ELOA: variants seen among roughly 807,000 people sequenced by gnomAD.
ELOA encodes the protein elongin-A.
In ELOA, 15 loss-of-function variants were observed where a neutral mutation model predicts 85.2. That is an observed-to-expected ratio of 0.18 (90% confidence interval 0.12 to 0.27). The LOEUF is 0.27. Ranked by LOEUF, ELOA falls within the 10% of genes least tolerant of loss-of-function variation. ELOA has a pLI of 1.00. For missense variants in ELOA, 769 were observed against 952.7 expected (o/e 0.81, Z 2.54); for synonymous variants, 348 against 357.2 (o/e 0.97, Z 0.29).
At chr1:23,752,897 T>G (rs1387717794) in intron 5 of ELOA, among the ~76,000 whole-genome samples, 9 of 151,968 alleles carry the variant, frequency 5.9e-5, no homozygotes, top group African/African-American at 2.2e-4. Flanking sequence ...GGGCCGAGAT[T>G]ACGCCATTGC....
intron 1 of ELOA, among the ~76,000 whole-genome samples, chr1:23,747,721 G>A (rs1644753073): frequency 6.6e-6 from 1 of 152,140 alleles, no homozygotes; most frequent in Non-Finnish European, 1.5e-5. Flanking sequence ...ATCTATGAAG[G>A]TGAGACTCCC....
At chr1:23,758,182 T>C (rs1638232895) in intron 10 of ELOA, among the ~76,000 whole-genome samples, 1 of 150,928 alleles carries the variant, frequency 6.6e-6, no homozygotes, top group Admixed American at 6.6e-5. Flanking sequence ...CCTCTTACTG[T>C]TTTTTTATAG....
chr1:23,750,463 A>C (rs1644764948), intron 3 of ELOA, among the ~76,000 whole-genome samples: 1 of 152,144 alleles, frequency 6.6e-6, no homozygotes, highest in African/African-American at 2.4e-5. Flanking sequence ...TACAGGCGTG[A>C]GCCACCGCGG....
Position 23,754,418 on chromosome 1 carries a change from G to T in ELOA, c.1749G>T (p.Arg583Ser), listed in dbSNP as rs778349721. ...PYSVLEPVLE[R>S]CTPDQLYRIE... is the part of the protein sequence containing the mutation. ...CTGTTCTTGAACCCGTTTTGGAGAG[G>T]TGTACACCTGATCAGCTGTATCGCA... Residue 583 changes from arginine (R) to serine (S), a missense_variant, in exon 7 of 11, where the codon AGG (arginine) becomes AGT (serine). Arg to Ser is a moderately radical substitution (Grantham distance 110). This residue lies in a region of ELOA where 193 missense variants were observed against 278.9 expected (regional missense o/e 0.69). Transcript: ENST00000613537. 6.2e-7 allele frequency: 1 copy of T among 1,614,176 alleles called. No homozygotes were observed. The highest frequency in any genetic ancestry group is 1.1e-5 in the South Asian group (1 of 91,080).
intron 1 of ELOA, chr1:23,744,199 G>A (rs977059284): frequency 2.0e-5 from 3 of 152,302 alleles, no homozygotes; most frequent in Non-Finnish European, 4.4e-5. Flanking sequence ...AACTTAGGTT[G>A]GAATTGAAAA....
chr1:23,756,902 C>G, intron 9 of ELOA, 51 bp from the exon 10 acceptor site: 1 of 1,432,694 alleles, frequency 7.0e-7, no homozygotes. Context: ...TGTTCATGCT[C>G]AGGGCAGATT....
At position 23,751,599 on chromosome 1, in the gene ELOA, G is replaced by T. The variant is rs1320670665; in HGVS notation, c.994G>T (p.Asp332Tyr). ...DNHLKKPKHR[D>Y]PEKAKLDKSK... is the part of the protein sequence containing the mutation. ...CCACCTGAAAAAGCCAAAGCACAGAGACCCAGAGAAAGCCAAATTGGACAA... is the reference window on the plus strand; with the variant it reads ...CCACCTGAAAAAGCCAAAGCACAGATACCCAGAGAAAGCCAAATTGGACAA... Residue 332 changes from aspartate to tyrosine, a missense_variant, in exon 4 of 11, where the codon GAC (aspartate) becomes TAC (tyrosine). Asp to Tyr is a radical substitution (Grantham distance 160, BLOSUM62 -3). This residue lies in a region of ELOA where 440 missense variants were observed against 474.0 expected (regional missense o/e 0.93). Coordinates refer to ENST00000613537, the MANE Select transcript of ELOA (RefSeq NM_003198.3). The T allele has an allele frequency of 2.5e-6, 4 of 1,614,216 alleles. No homozygotes were observed. The highest frequency in any genetic ancestry group is 1.7e-5 in the Admixed American group (1 of 60,018).
chr1:23,743,705 G>T lies in ELOA; in HGVS notation c.75+127G>T. The T allele has an allele frequency of 4.3e-6, 5 of 1,168,868 alleles. No individual in the cohort carries two copies. The South Asian group carries it at 1.0e-4, about 24-fold the overall frequency. 72.4% of individuals were successfully genotyped at this position (1,168,868 alleles called of 1,614,324 possible). On this transcript the variant is annotated intron_variant, in intron 1 of 10. Coordinates refer to ENST00000613537, the MANE Select transcript of ELOA (RefSeq NM_003198.3). ...AGCCAGGCCCCGCGGGGCTGGGGTC[G>T]TGAAGTTCGCGGCCATTGACCGCTG...
Position 23,759,519 on chromosome 1 carries a change from C to T in ELOA, c.2265C>T (p.Ala755=), listed in dbSNP as rs1315211978. Residue 755 remains alanine, a synonymous_variant, in exon 11 of 11, where the codon GCC becomes GCT. Coordinates refer to ENST00000613537, the MANE Select transcript of ELOA (RefSeq NM_003198.3). Reference sequence around the variant, plus strand: ...TTGTTTCTCTTTTCACAGAAATTGCCCCAATGATGGCCAAGACAATTAAAG... The same window carrying T: ...TTGTTTCTCTTTTCACAGAAATTGCTCCAATGATGGCCAAGACAATTAAAG... ...DPRKPTVKKI[A]PMMAKTIKAF... 6.2e-7 allele frequency: 1 copy of T among 1,614,058 alleles called. No homozygotes were observed. Among genetic ancestry groups the T allele is most frequent in the Non-Finnish European group, 8.5e-7 (1 of 1,180,038 alleles).
In ELOA at chr1:23,755,794, A is replaced by AAT. The variant is rs774665132; in HGVS notation, c.1792-46_1792-45dup. 3.5e-6 allele frequency: 5 copies of AAT among 1,417,876 alleles called. No individual in the cohort carries two copies. The African/African-American group carries it at 5.7e-5, about 16-fold the overall frequency. 87.8% of individuals were successfully genotyped at this position (1,417,876 alleles called of 1,614,324 possible). On this transcript the variant is annotated intron_variant, in intron 7 of 10. Coordinates refer to ENST00000613537, the MANE Select transcript of ELOA (RefSeq NM_003198.3). ...GACTCTGTCTCAAAAAAAAAAAAAA[A>AAT]ATATGGAAAAGTGCTTGTACACAAA...
At chr1:23,749,103 T>C (rs367613311) in intron 2 of ELOA, 26 bp downstream of exon 2, 202 of 1,555,090 alleles carry the variant, frequency 1.3e-4, no homozygotes, top group Non-Finnish European at 1.7e-4. Context: ...CTTTAAATAT[T>C]ATATAATGAT....
At chr1:23,744,358 G>A (rs913341280) in intron 1 of ELOA, 1 of 152,094 alleles carries the variant, frequency 6.6e-6, no homozygotes, top group Non-Finnish European at 1.5e-5. Context: ...TGTACAAACT[G>A]AATATTAAGT....
intron 1 of ELOA, among the ~76,000 whole-genome samples, chr1:23,744,986 C>T (rs971379229): frequency 2.8e-4 from 42 of 152,166 alleles, no homozygotes; most frequent in Admixed American, 2.0e-4. Flanking sequence ...TTACCTTGTT[C>T]TAGCCTGTTG....
chr1:23,756,966 C>T lies in ELOA; in HGVS notation c.2098C>T (p.Pro700Ser). Residue 700 changes from proline to serine, a missense_variant, in exon 10 of 11, where the codon CCG (proline) becomes TCG (serine). Coordinates refer to ENST00000613537, the MANE Select transcript of ELOA (RefSeq NM_003198.3). ...VPEKIKIKPA[P>S]YPMGSSHASA... ...CCTGTGTTGCAGGATCAAGCCAGCC[C>T]CGTACCCCATGGGAAGCAGCCATGC... The T allele has an allele frequency of 1.3e-6, 2 of 1,545,286 alleles. No homozygotes were observed. Among genetic ancestry groups the T allele is most frequent in the Non-Finnish European group, 1.7e-6 (2 of 1,150,048 alleles).
At position 23,746,591 on chromosome 1, in the gene ELOA, G is replaced by T. The variant is rs557227; in HGVS notation, c.76-2430G>T. Among the ~76,000 whole-genome samples the T allele has an allele frequency of 9.7e-3, 997 of 103,180 alleles. 13 individuals carry two copies. Among genetic ancestry groups the T allele is most frequent in the African/African-American group, 0.035 (924 of 26,208 alleles). The allele number at this position is 103,180 out of a possible 152,430, so 67.7% of individuals were successfully genotyped here. On this transcript the variant is annotated intron_variant, in intron 1 of 10. Coordinates refer to ENST00000613537, the MANE Select transcript of ELOA (RefSeq NM_003198.3). Reference sequence around the variant, plus strand: ...CATTGCACTCCAGCCTGGACAACAAGAGCAAAACTCCATCTCCAAAAAAAA... The same window carrying T: ...CATTGCACTCCAGCCTGGACAACAATAGCAAAACTCCATCTCCAAAAAAAA...
In ELOA at chr1:23,751,655, A is replaced by G; in HGVS notation, c.1050A>G (p.Thr350=). The change falls in exon 4 of 11, where the codon ACA becomes ACG. Residue 350 remains threonine, a synonymous_variant. Coordinates refer to ENST00000613537, the MANE Select transcript of ELOA (RefSeq NM_003198.3). ...KSKQGLDSFD[T]GKGAGDLLPK... ...AGCAAGGTCTGGACAGCTTTGACAC[A>G]GGAAAAGGAGCAGGAGACCTGTTGC... 1 of 1,614,238 alleles carries G rather than the reference A, an allele frequency of 6.2e-7. No individual in the cohort carries two copies. The highest frequency in any genetic ancestry group is 1.3e-5 in the African/African-American group (1 of 75,074).
rs770513318 is a variant in ELOA, at chr1:23,751,937, T to G, written c.1332T>G (p.Thr444=). The stretch of plus-strand genomic sequence containing the variant: ...TTAAAAAAAATGACTCTAAAAGCAC[T>G]GGTAAAAACTTGGACTCAGTTCAGA... ...KGLKKNDSKS[T]GKNLDSVQKL... Residue 444 remains threonine (T), a synonymous_variant, in exon 4 of 11, where the codon ACT becomes ACG. Coordinates refer to ENST00000613537, the MANE Select transcript of ELOA (RefSeq NM_003198.3). 2 of 1,613,672 alleles carry G rather than the reference T, an allele frequency of 1.2e-6. No homozygotes were observed. Among genetic ancestry groups the G allele is most frequent in the South Asian group, 2.2e-5 (2 of 90,998 alleles).
At chr1:23,744,278 C>G (rs1325715301) in intron 1 of ELOA, 1 of 152,204 alleles carries the variant, frequency 6.6e-6, no homozygotes, top group African/African-American at 2.4e-5. Flanking sequence ...AAGGTAAGAG[C>G]TACCGTTTCT....
intron 1 of ELOA, among the ~76,000 whole-genome samples, chr1:23,746,288 C>CA (rs35430836): frequency 0.27 from 32,244 of 120,038 alleles, 4,466 homozygotes; most frequent in Non-Finnish European, 0.35. Context: ...AACTCCGTCT[C>CA]AAAAAAAAAA....
Sources: gnomAD v4.1 joint callset for allele counts (sites outside exome capture counted in the v4.1 genomes callset) on GRCh38, gnomAD v4.1.1 for gene constraint, gnomAD v4.1.1 regional missense constraint, MANE v1.5 for transcripts, NCBI Gene and HGNC (gene_info 2026-07-23, HGNC 2026-07-21) for gene names.